ABAT: variants seen among roughly 807,000 people sequenced by gnomAD.
The protein encoded by ABAT is 4-aminobutyrate aminotransferase.
A neutral mutation model predicts 64.6 loss-of-function variants in ABAT; 45 were observed. The observed-to-expected ratio is 0.70, with a 90% CI of 0.55 to 0.89. The LOEUF is 0.89. ABAT is among the 40% of genes least tolerant of loss of function. The probability of loss-of-function intolerance (pLI) is 0.00; values close to 1 mark genes in which losing one functional copy is unlikely to be tolerated. For synonymous variants in ABAT, 297 were observed against 250.5 expected, an observed-to-expected ratio of 1.19 and a Z score of -1.75; for missense variants, 633 against 658.4, an observed-to-expected ratio of 0.96 and a Z score of 0.42.
At position 8,727,926 on chromosome 16, in the gene ABAT, C is replaced by A. The variant is rs2058604517; in HGVS notation, c.-41-7773C>A. On this transcript the variant is annotated intron_variant, in intron 1 of 15. Transcript: ENST00000268251. ...TCTACTAAAAATTTAAAAAAATTAGCCAGGCATGATGGCACATGCCTGTAG... is the reference window on the plus strand; with the variant it reads ...TCTACTAAAAATTTAAAAAAATTAGACAGGCATGATGGCACATGCCTGTAG... 1.3e-5 allele frequency among the ~76,000 whole-genome samples: 2 copies of A among 152,106 alleles called. 1 individual carries two copies. The highest frequency in any genetic ancestry group is 4.1e-4 in the South Asian group (2 of 4,828).
chr16:8,691,106 A>T (rs2057569560), intron 1 of ABAT, among the ~76,000 whole-genome samples: 1 of 152,068 alleles, frequency 6.6e-6, no homozygotes, highest in Non-Finnish European at 1.5e-5. Flanking sequence ...CCCTTCGTCA[A>T]ACCACACTTG....
Position 8,774,928 on chromosome 16 carries a change from A to C in ABAT, c.993A>C (p.Gly331=), listed in dbSNP as rs1441982637. ...CAFLVDEVQT[G]GGCTGKFWAH... ...TCTTGGTGGACGAGGTCCAGACCGG[A>C]GGAGGCTGCACGGGCAAGTTCTGGG... The change falls in exon 13 of 16, where the codon GGA becomes GGC. Residue 331 remains glycine, a synonymous_variant. Transcript: ENST00000268251. 6.2e-7 allele frequency: 1 copy of C among 1,614,100 alleles called. No individual in the cohort carries two copies.
chr16:8,755,202 G>T (rs2059616110), intron 5 of ABAT, among the ~76,000 whole-genome samples: 1 of 152,082 alleles, frequency 6.6e-6, no homozygotes, highest in Non-Finnish European at 1.5e-5. Context: ...GCTGCCATGG[G>T]TGTACTAACC....
At chr16:8,772,106 C>T (rs9924807) in intron 11 of ABAT, among the ~76,000 whole-genome samples, 1 of 151,960 alleles carries the variant, frequency 6.6e-6, no homozygotes, top group African/African-American at 2.4e-5. Context: ...TCCGATTCTG[C>T]CCCAAAAGGA....
intron 1 of ABAT, among the ~76,000 whole-genome samples, chr16:8,685,592 C>A (rs1374141777): frequency 1.3e-5 from 2 of 152,004 alleles, no homozygotes; most frequent in African/African-American, 4.8e-5. Context: ...AGGAGAATCG[C>A]TTGAACCCGG....
chr16:8,699,108 G>A (rs1218122733), intron 1 of ABAT, among the ~76,000 whole-genome samples: 3 of 152,134 alleles, frequency 2.0e-5, no homozygotes, highest in Admixed American at 6.6e-5. Flanking sequence ...GGAACCGCCT[G>A]TTTTCCACTC....
Position 8,764,144 on chromosome 16 carries a change from C to A in ABAT, c.442C>A (p.Leu148Ile). ...TGTGGAGAAGCTCCGGCAGTCCTTG[C>A]TCTCGGTGAGTTCTGGAGAAGCAAT... ...NFVEKLRQSL[L>I]SVAPKGMSQL... is the part of the protein sequence containing the mutation. Residue 148 changes from leucine (L) to isoleucine (I), a missense_variant, in exon 7 of 16, where the codon CTC becomes ATC. Physicochemically the swap from Leu to Ile is conservative, Grantham distance 5. Transcript: ENST00000268251. This position sits in a 1 kb window ranked among gnomAD's most constrained non-coding sequence, Gnocchi z 4.2. The A allele has an allele frequency of 6.2e-7, 1 of 1,613,312 alleles. No homozygotes were observed. Among genetic ancestry groups the A allele is most frequent in the African/African-American group, 1.3e-5 (1 of 75,016 alleles).
intron 5 of ABAT, among the ~76,000 whole-genome samples, chr16:8,751,015 C>T (rs190406507): frequency 1.1e-4 from 15 of 138,046 alleles, no homozygotes; most frequent in African/African-American, 4.1e-4. Context: ...GTGGCGTGAT[C>T]TTGGCTCACT....
Position 8,772,841 on chromosome 16 carries a change from AG to A in ABAT, c.879del (p.Glu293AspfsTer20), listed in dbSNP as rs1433946952. 1 of 1,614,076 alleles carries A rather than the reference AG, an allele frequency of 6.2e-7. No homozygotes were observed. The highest frequency in any genetic ancestry group is 8.5e-7 in the Non-Finnish European group (1 of 1,180,008). On this transcript the variant is annotated frameshift_variant, in exon 12 of 16. Transcript: ENST00000268251. LOFTEE classifies it high-confidence loss of function. ...AAGACGGTGGCCGGGATCATCGTGG[AG>A]CCCATCCAGTCCGAGGGTGGAGACA... ...KKKTVAGIIV[E>X]PIQSEGGDNH...
At chr16:8,699,383 A>G (rs1023347411) in intron 1 of ABAT, among the ~76,000 whole-genome samples, 2 of 152,092 alleles carry the variant, frequency 1.3e-5, no homozygotes, top group African/African-American at 4.8e-5. Flanking sequence ...CCTGGGCAAC[A>G]TGGTGAAACC....
intron 1 of ABAT, among the ~76,000 whole-genome samples, chr16:8,721,576 G>A (rs574357810): frequency 3.3e-5 from 5 of 152,232 alleles, no homozygotes; most frequent in Admixed American, 6.5e-5. Context: ...CTTCTGAACC[G>A]GTTTTATAAC....
At chr16:8,737,607 C>G (rs2058987062) in intron 2 of ABAT, 1 of 151,936 alleles carries the variant, frequency 6.6e-6, no homozygotes, top group Non-Finnish European at 1.5e-5. Context: ...TCTTACATCA[C>G]CAAGATGCAG....
At chr16:8,687,213 G>T (rs73497646) in intron 1 of ABAT, among the ~76,000 whole-genome samples, 1,992 of 152,264 alleles carry the variant, frequency 0.013, 46 homozygotes, top group African/African-American at 0.045. Context: ...CACGGAGCAG[G>T]TGCTAGTCTT....
chr16:8,784,565 T>C lies in ABAT; in HGVS notation c.*3135T>C, dbSNP rs906875008. 7 of 152,200 alleles carry C rather than the reference T, an allele frequency of 4.6e-5. No homozygotes were observed. Among genetic ancestry groups the C allele is most frequent in the African/African-American group, 1.7e-4 (7 of 41,444 alleles). 9.4% of individuals were successfully genotyped at this position (152,200 alleles called of 1,614,324 possible). On this transcript the variant is annotated 3_prime_UTR_variant, in exon 16 of 16. Coordinates refer to ENST00000268251, the MANE Select transcript of ABAT (RefSeq NM_020686.6). The stretch of plus-strand genomic sequence containing the variant: ...CAGTATTCTTAAATAAAATTTATAA[T>C]TGAAACATGAGTGAATGTGGACTTT...
chr16:8,681,206 G>A (rs1304614894), intron 1 of ABAT, among the ~76,000 whole-genome samples: 3 of 152,038 alleles, frequency 2.0e-5, no homozygotes, highest in African/African-American at 7.3e-5. Flanking sequence ...GCCCAGGCTG[G>A]TTTTGAACTC....
intron 1 of ABAT, among the ~76,000 whole-genome samples, chr16:8,724,426 C>T (rs2058474597): frequency 6.6e-6 from 1 of 152,190 alleles, no homozygotes; most frequent in Non-Finnish European, 1.5e-5. Context: ...CATTTCAATA[C>T]TGCACAGAAA....
chr16:8,732,513 T>A (rs920341687), intron 1 of ABAT, among the ~76,000 whole-genome samples: 3 of 151,504 alleles, frequency 2.0e-5, no homozygotes, highest in African/African-American at 7.4e-5. Context: ...ACACAGCACA[T>A]GTTTCAGAGA....
chr16:8,736,236 C>G (rs1055839769), intron 2 of ABAT: 2 of 60,676 alleles, frequency 3.3e-5, no homozygotes, highest in African/African-American at 5.1e-4. Context: ...GGGTCCCTCC[C>G]ATGACGTGGG....
chr16:8,727,881 C>T (rs1596427517), intron 1 of ABAT, among the ~76,000 whole-genome samples: 1 of 152,206 alleles, frequency 6.6e-6, no homozygotes, highest in East Asian at 1.9e-4. Context: ...CCAGCCTGGG[C>T]AAAATAGCAA....
Sources: gnomAD v4.1 joint callset for allele counts (sites outside exome capture counted in the v4.1 genomes callset) on GRCh38, gnomAD v4.1.1 for gene constraint, Gnocchi (gnomAD v3.1) non-coding constraint, MANE v1.5 for transcripts, NCBI Gene and HGNC (gene_info 2026-07-23, HGNC 2026-07-21) for gene names.